RASSF1: variants seen among roughly 807,000 people sequenced by gnomAD.
The protein encoded by RASSF1 is ras association domain-containing protein 1.
RASSF1 carries 33 observed loss-of-function variants against 34.3 expected under a neutral mutation model. The ratio of observed to expected loss-of-function variants is 0.96; its 90% confidence interval spans 0.73 to 1.29. The LOEUF is 1.29. RASSF1 is among the 50% of genes most tolerant of loss of function. The pLI, the probability that RASSF1 is intolerant of heterozygous loss-of-function variation, is 0.00. For missense variants in RASSF1, 445 were observed against 471.8 expected (o/e 0.94, Z 0.53); for synonymous variants, 191 against 195.0 (o/e 0.98, Z 0.17).
Position 50,331,939 on chromosome 3 carries a change from A to G in RASSF1, c.463-83T>C, listed in dbSNP as rs1247990696. 7.1e-6 allele frequency: 11 copies of G among 1,558,004 alleles called. 1 individual carries two copies. The East Asian group carries it at 1.6e-4, about 22-fold the overall frequency. On this transcript the variant is annotated intron_variant, in intron 3 of 5. Coordinates refer to ENST00000359365, the MANE Select transcript of RASSF1 (RefSeq NM_007182.5). ...CTTGGGGCTAGGCTGGGTATGCACAAATTACTGCTTGCGCCCACCCAAGAT... is the reference window on the plus strand; with the variant it reads ...CTTGGGGCTAGGCTGGGTATGCACAGATTACTGCTTGCGCCCACCCAAGAT...
intron 2 of RASSF1, among the ~76,000 whole-genome samples, chr3:50,335,313 CTTTTTTTTTT>C (rs906428880): frequency 5.6e-5 from 6 of 107,966 alleles, no homozygotes; most frequent in African/African-American, 2.2e-4. Context: ...CCTATTCTTT[CTTTTTTTTTT>C]TTTTTTTTTT....
chr3:50,340,160 C>T (rs587672686), intron 1 of RASSF1, among the ~76,000 whole-genome samples: 1 of 152,158 alleles, frequency 6.6e-6, no homozygotes, highest in African/African-American at 2.4e-5. Context: ...TTTTTCCAGG[C>T]TCCCTCCCAT....
Position 50,340,691 on chromosome 3 carries a change from C to A in RASSF1, c.115G>T (p.Ala39Ser), listed in dbSNP as rs925362839. The change falls in exon 1 of 6, where the codon GCG becomes TCG. Residue 39 changes from alanine (A) to serine (S), a missense_variant. Physicochemically the swap from Ala to Ser is moderately conservative, Grantham distance 99. Transcript: ENST00000359365. ...ACCAGCTGCCGTGTGGGGTTGCACG[C>A]GGTGCCCCGCGCGATGCGCAGCGCG... is the stretch of plus-strand genomic sequence containing the variant. ...ANALRIARGT[A>S]CNPTRQLVPG... 2 of 1,531,674 alleles carry A rather than the reference C, an allele frequency of 1.3e-6. No individual in the cohort carries two copies. The highest frequency in any genetic ancestry group is 3.9e-5 in the Admixed American group (2 of 50,768). The allele number at this position is 1,531,674 out of a possible 1,614,324, so 94.9% of individuals were successfully genotyped here.
intron 2 of RASSF1, chr3:50,337,622 A>C (rs1703203114): frequency 9.1e-7 from 1 of 1,094,680 alleles, no homozygotes; most frequent in Non-Finnish European, 1.3e-6. Flanking sequence ...AGCGCACAAG[A>C]GTGGCCTCTG....
rs782356247 is a variant in RASSF1 at position 50,330,656 on chromosome 3, G to A, written c.948C>T (p.Leu316=). Residue 316 remains leucine, a synonymous_variant, in exon 6 of 6, where the codon CTC becomes CTT. Coordinates refer to ENST00000359365, the MANE Select transcript of RASSF1 (RefSeq NM_007182.5). The surrounding 1 kb of genome is among the most constrained non-coding windows in gnomAD (Gnocchi z 4.5). ...RILQREEEEH[L]RQILQKYSYC... ...AGGAGTACTTCTGCAGGATCTGGCG[G>A]AGGTGCTCCTCCTCCTCCCGCTGCA... 1 of 1,614,172 alleles carries A rather than the reference G, an allele frequency of 6.2e-7. No homozygotes were observed. Among genetic ancestry groups the A allele is most frequent in the Admixed American group, 1.7e-5 (1 of 60,026 alleles).
intron 2 of RASSF1, chr3:50,337,577 C>G (rs1703200137): frequency 1.5e-6 from 2 of 1,367,122 alleles, no homozygotes; most frequent in Non-Finnish European, 2.0e-6. Flanking sequence ...CCCCACCTAC[C>G]ACAGGGAACG....
rs1703212438 is a variant in RASSF1, at chr3:50,337,779, C to G, written c.357+126G>C. On this transcript the variant is annotated intron_variant, in intron 2 of 5. Coordinates refer to ENST00000359365, the MANE Select transcript of RASSF1 (RefSeq NM_007182.5). ...CAGCCCCCGCGCAGAATTAGCCTCT[C>G]TGTGCCGCCGGGAAATCGGCAATTA... 1.5e-5 allele frequency: 16 copies of G among 1,078,538 alleles called. No individual in the cohort carries two copies. In the South Asian group the frequency reaches 2.5e-4, roughly 17 times the overall value. The allele number at this position is 1,078,538 out of a possible 1,614,324, so 66.8% of individuals were successfully genotyped here. A position where few individuals can be genotyped will look rare whatever the true frequency, so the allele number is the denominator to read the frequency against.
Position 50,332,048 on chromosome 3 carries a change from A to T in RASSF1, c.462+2T>A. On this transcript the variant is annotated splice_donor_variant, in intron 3 of 5. Transcript: ENST00000359365. LOFTEE classifies it high-confidence loss of function. ...CGCCCCCTTCCTGAGCAGTCAACTC[A>T]CCAAGCTCATGAAGAGGTTGCTGTT... 1 of 1,613,540 alleles carries T rather than the reference A, an allele frequency of 6.2e-7. No individual in the cohort carries two copies. The highest frequency in any genetic ancestry group is 8.5e-7 in the Non-Finnish European group (1 of 1,179,560).
At position 50,331,436 on chromosome 3, in the gene RASSF1, C is replaced by T; in HGVS notation, c.774G>A (p.Lys258=). ...AERHGQVYLR[K]LLDDEQPLRL... ...GCAGGGGCTGCTCATCATCCAACAG[C>T]TTCCGCAAGTACACTGTGAAGGGGA... The change falls in exon 5 of 6, where the codon AAG becomes AAA. Residue 258 remains lysine (K), a synonymous_variant. Coordinates refer to ENST00000359365, the MANE Select transcript of RASSF1 (RefSeq NM_007182.5). 1 of 1,598,288 alleles carries T rather than the reference C, an allele frequency of 6.3e-7. No individual in the cohort carries two copies. The highest frequency in any genetic ancestry group is 8.5e-7 in the Non-Finnish European group (1 of 1,170,188).
chr3:50,334,874 G>A (rs1275823671), intron 2 of RASSF1, among the ~76,000 whole-genome samples: 6 of 152,150 alleles, frequency 3.9e-5, no homozygotes, highest in South Asian at 2.1e-4. Flanking sequence ...CATCCCAGTC[G>A]GATGCACAGC....
At chr3:50,339,758 T>A (rs993083220) in intron 1 of RASSF1, among the ~76,000 whole-genome samples, 1 of 152,222 alleles carries the variant, frequency 6.6e-6, no homozygotes, top group Non-Finnish European at 1.5e-5. Context: ...AGGGTCTCCA[T>A]GCACACACAG....
At chr3:50,338,157 C>G (rs1328378237) in intron 1 of RASSF1, 146 bp from the exon 2 acceptor site, 16 of 1,443,318 alleles carry the variant, frequency 1.1e-5, no homozygotes, top group Admixed American at 2.6e-5. Context: ...CACTGCTACG[C>G]GGACTCTAAT....
intron 1 of RASSF1, 104 bp from the exon 2 acceptor site, chr3:50,338,115 G>T: frequency 6.7e-7 from 1 of 1,501,088 alleles, no homozygotes. Context: ...GCCAGGCTCC[G>T]CAGGCCCGAC....
chr3:50,330,516 T>A lies in RASSF1; in HGVS notation c.*65A>T. On this transcript the variant is annotated 3_prime_UTR_variant, in exon 6 of 6. Transcript: ENST00000359365. The surrounding 1 kb of genome is among the most constrained non-coding windows in gnomAD (Gnocchi z 4.5). ...CATTCCACAGGCCCCACTGGCCCTG[T>A]CACACTCACACGGCACGCACTTGGC... is the stretch of plus-strand genomic sequence containing the variant. 1 of 1,589,300 alleles carries A rather than the reference T, an allele frequency of 6.3e-7. No homozygotes were observed. Among genetic ancestry groups the A allele is most frequent in the African/African-American group, 1.3e-5 (1 of 74,574 alleles).
chr3:50,334,259 G>A (rs76203983), intron 2 of RASSF1, among the ~76,000 whole-genome samples: 2,073 of 152,288 alleles, frequency 0.014, 38 homozygotes, highest in African/African-American at 0.046. Flanking sequence ...CAGGAAAAAG[G>A]TAAAGGGGGA....
intron 1 of RASSF1, among the ~76,000 whole-genome samples, chr3:50,338,806 C>G (rs1396539163): frequency 6.6e-6 from 1 of 152,178 alleles, no homozygotes; most frequent in Non-Finnish European, 1.5e-5. Flanking sequence ...CCTCAGCGAT[C>G]TGTGTACTAC....
At chr3:50,334,446 A>G (rs897467130) in intron 2 of RASSF1, among the ~76,000 whole-genome samples, 4 of 152,196 alleles carry the variant, frequency 2.6e-5, no homozygotes, top group African/African-American at 9.7e-5. Flanking sequence ...GCTGTGAATA[A>G]AGCAGTGGAT....
intron 2 of RASSF1, chr3:50,337,214 T>C (rs1703172668): frequency 6.2e-7 from 1 of 1,612,728 alleles, no homozygotes; most frequent in African/African-American, 1.3e-5. Flanking sequence ...GTTCGCGCGG[T>C]GAAGTACTGC....
intron 1 of RASSF1, among the ~76,000 whole-genome samples, chr3:50,339,384 G>A (rs1367388743): frequency 7.9e-5 from 2 of 25,302 alleles, no homozygotes; most frequent in African/African-American, 3.0e-4. Flanking sequence ...TTTTTTTTTT[G>A]AGACAGAGTC....
Sources: gnomAD v4.1 joint callset for allele counts (sites outside exome capture counted in the v4.1 genomes callset) on GRCh38, gnomAD v4.1.1 for gene constraint, Gnocchi (gnomAD v3.1) non-coding constraint, MANE v1.5 for transcripts, NCBI Gene and HGNC (gene_info 2026-07-23, HGNC 2026-07-21) for gene names.